The following CGGBP1 variants were observed in gnomAD, a reference collection of about 807,000 sequenced individuals.
The protein encoded by CGGBP1 is CGG triplet repeat binding protein 1.
CGGBP1 carries 4 observed loss-of-function variants against 11.4 expected under a neutral mutation model. The ratio of observed to expected loss-of-function variants is 0.35; its 90% CI spans 0.17 to 0.80. CGGBP1 has a LOEUF of 0.80. Ranked by LOEUF, CGGBP1 falls within the 30% of genes least tolerant of loss-of-function variation. The pLI is 0.52. For synonymous variants in CGGBP1, 76 were observed against 74.1 expected, an observed-to-expected ratio of 1.03 and a Z score of -0.13; for missense variants, 135 against 202.1, an observed-to-expected ratio of 0.67 and a Z score of 2.01.
chr3:88,121,809 G>T (rs1454944253), intron 2 of CGGBP1, among the ~76,000 whole-genome samples: 1 of 152,076 alleles, frequency 6.6e-6, no homozygotes, highest in Non-Finnish European at 1.5e-5. Context: ...TTAATTTGCT[G>T]CAGTAACTTG....
intron 2 of CGGBP1, among the ~76,000 whole-genome samples, chr3:88,125,840 T>G (rs981486945): frequency 1.3e-5 from 2 of 152,148 alleles, no homozygotes; most frequent in Non-Finnish European, 2.9e-5. Context: ...TAAGTTTCAG[T>G]TTTTTGCAAC....
At chr3:88,126,536 G>A (rs1263684769) in intron 2 of CGGBP1, among the ~76,000 whole-genome samples, 2 of 125,840 alleles carry the variant, frequency 1.6e-5, no homozygotes, top group Admixed American at 8.0e-5. Context: ...GTGTATTTTT[G>A]TCACTTCAGT....
upstream of CGGBP1, among the ~76,000 whole-genome samples, chr3:88,061,330 C>T (rs536624119): frequency 6.6e-6 from 1 of 152,118 alleles, no homozygotes; most frequent in East Asian, 1.9e-4. Flanking sequence ...AGTGACAGTA[C>T]AATATTTTAA....
chr3:88,074,280 G>C (rs1331450373), intron 2 of CGGBP1, among the ~76,000 whole-genome samples: 1 of 151,936 alleles, frequency 6.6e-6, no homozygotes, highest in Non-Finnish European at 1.5e-5. Context: ...CCTCTGATTG[G>C]GAGTGGCTTC....
At chr3:88,129,948 T>G (rs992762960) in intron 2 of CGGBP1, 14 of 880,264 alleles carry the variant, frequency 1.6e-5, no homozygotes, top group Non-Finnish European at 2.0e-5. Context: ...AAAAATTGAT[T>G]GTGCAAGGAA....
intron 2 of CGGBP1, 145 bp from the exon 3 acceptor site, chr3:88,057,437 T>G (rs1706577730): frequency 6.6e-6 from 1 of 152,136 alleles, no homozygotes; most frequent in African/African-American, 2.4e-5. Context: ...GATTCCTATC[T>G]AGTACTTACC....
chr3:88,076,041 C>T (rs1479571025), intron 2 of CGGBP1, among the ~76,000 whole-genome samples: 1 of 152,228 alleles, frequency 6.6e-6, no homozygotes, highest in Admixed American at 6.5e-5. Context: ...CAATGCCATA[C>T]TGTATGTTGT....
chr3:88,074,357 T>TTC (rs1707682381), intron 2 of CGGBP1, among the ~76,000 whole-genome samples: 1 of 151,246 alleles, frequency 6.6e-6, no homozygotes, highest in Non-Finnish European at 1.5e-5. Flanking sequence ...TTTTTTTTTT[T>TTC]TTGAGACTGA....
intron 2 of CGGBP1, among the ~76,000 whole-genome samples, chr3:88,087,091 GT>G (rs1181433169): frequency 1.3e-5 from 2 of 150,008 alleles, no homozygotes; most frequent in African/African-American, 2.5e-5. Flanking sequence ...CCATTGTTTT[GT>G]TTTTTTGAGA....
chr3:88,053,344 TAAGGA>T lies in CGGBP1; in HGVS notation c.*2124_*2128del, dbSNP rs1185215766. 3 of 152,124 alleles carry T rather than the reference TAAGGA, an allele frequency of 2.0e-5. No homozygotes were observed. Among genetic ancestry groups the T allele is most frequent in the African/African-American group, 7.2e-5 (3 of 41,432 alleles). 9.4% of individuals were successfully genotyped at this position (152,124 alleles called of 1,614,324 possible). A position where few individuals can be genotyped will look rare whatever the true frequency, so the allele number is the denominator to read the frequency against. On this transcript the variant is annotated 3_prime_UTR_variant, in exon 4 of 4. Transcript: ENST00000482016. ...CCCACAACAGGATGGAAAACATTTC[TAAGGA>T]GAGGATATAATCCTAACAGAATGGA...
chr3:88,099,453 C>T (rs1009305791), intron 2 of CGGBP1, among the ~76,000 whole-genome samples: 20 of 152,178 alleles, frequency 1.3e-4, no homozygotes, highest in African/African-American at 4.8e-4. Flanking sequence ...CAATGCCTTT[C>T]TTCACAGAAT....
intron 2 of CGGBP1, among the ~76,000 whole-genome samples, chr3:88,135,852 A>G (rs1386373231): frequency 6.6e-6 from 1 of 152,120 alleles, no homozygotes; most frequent in Non-Finnish European, 1.5e-5. Flanking sequence ...TTTACATTTT[A>G]GGTAGCACCA....
At chr3:88,141,530 C>A in intron 1 of CGGBP1, 1 of 661,246 alleles carries the variant, frequency 1.5e-6, no homozygotes, top group Non-Finnish European at 2.3e-6. Flanking sequence ...GCTTGTCTGT[C>A]TACTAATATC....
intron 2 of CGGBP1, among the ~76,000 whole-genome samples, chr3:88,066,859 G>T (rs1239643762): frequency 6.6e-6 from 1 of 152,108 alleles, no homozygotes; most frequent in Non-Finnish European, 1.5e-5. Context: ...GATATGTGAA[G>T]AAATAAAATA....
intron 2 of CGGBP1, chr3:88,129,126 T>C: frequency 1.4e-6 from 1 of 718,394 alleles, no homozygotes; most frequent in Non-Finnish European, 2.2e-6. Flanking sequence ...TGCCAAAGAT[T>C]TAAGGATTAC....
chr3:88,084,438 G>A (rs2107655874), intron 2 of CGGBP1, among the ~76,000 whole-genome samples: 1 of 152,288 alleles, frequency 6.6e-6, no homozygotes, highest in South Asian at 2.1e-4. Context: ...TAGAGCCAGG[G>A]AACCAGTGTT....
chr3:88,128,491 T>C (rs897384568), intron 2 of CGGBP1, among the ~76,000 whole-genome samples: 1 of 152,048 alleles, frequency 6.6e-6, no homozygotes, highest in African/African-American at 2.4e-5. Flanking sequence ...CATAGACCCA[T>C]GTTACTTGGA....
rs762326399 is a variant in CGGBP1, at chr3:88,086,307, G to T, written c.-228-28084C>A. ...GGCAGGTCCCTTTGCCACAGCTTCA[G>T]GTTCTTCAGACTGCCCTTTGTTGTT... On this transcript the variant is annotated intron_variant, in intron 2 of 3. Coordinates refer to the CGGBP1 transcript ENST00000462901. 1,218 of 1,534,438 alleles carry T rather than the reference G, an allele frequency of 7.9e-4. 1 individual carries two copies. Among genetic ancestry groups the T allele is most frequent in the Non-Finnish European group, 9.9e-4 (1,138 of 1,146,706 alleles).
chr3:88,076,654 G>C (rs1242211157), intron 2 of CGGBP1, among the ~76,000 whole-genome samples: 1 of 152,044 alleles, frequency 6.6e-6, no homozygotes, highest in African/African-American at 2.4e-5. Flanking sequence ...TTGTTCATCT[G>C]TTATTTTAAT....
Sources: gnomAD v4.1 joint callset for allele counts (sites outside exome capture counted in the v4.1 genomes callset) on GRCh38, gnomAD v4.1.1 for gene constraint, MANE v1.5 for transcripts, NCBI Gene and HGNC (gene_info 2026-07-23, HGNC 2026-07-21) for gene names.